Variants in DLGAP2 observed in about 807,000 individuals in gnomAD.
DLGAP2 encodes the protein DLG associated protein 2.
DLGAP2 carries 26 observed loss-of-function variants against 100.3 expected under a neutral mutation model. The ratio of observed to expected loss-of-function variants is 0.26; its 90% CI spans 0.19 to 0.36. The LOEUF (loss-of-function observed/expected upper bound fraction) is 0.36, where lower values mean the gene tolerates loss of function less well. DLGAP2 is among the 10% of genes least tolerant of loss of function. DLGAP2 has a pLI of 1.00. For synonymous variants in DLGAP2, 886 were observed against 630.1 expected (o/e 1.41, Z -6.08); for missense variants, 1,858 against 1,453.2 (o/e 1.28, Z -4.53).
intron 3 of DLGAP2, among the ~76,000 whole-genome samples, chr8:1,417,317 A>G (rs546695161): frequency 6.6e-6 from 1 of 152,264 alleles, no homozygotes; most frequent in East Asian, 1.9e-4. Context: ...CGGGGTGCCC[A>G]GGTTCGACAG....
chr8:1,361,693 C>G (rs1051380386), intron 3 of DLGAP2, among the ~76,000 whole-genome samples: 4 of 152,210 alleles, frequency 2.6e-5, no homozygotes, highest in Admixed American at 2.0e-4. Context: ...ATGTCAAGCA[C>G]CTTCGCGCAA....
chr8:1,497,689 C>A (rs550450205), intron 3 of DLGAP2, among the ~76,000 whole-genome samples: 3 of 152,164 alleles, frequency 2.0e-5, no homozygotes, highest in Non-Finnish European at 4.4e-5. Context: ...CCTGTCCAGG[C>A]GAACAGGGTT....
At chr8:919,605 C>G (rs1408318079) in intron 2 of DLGAP2, among the ~76,000 whole-genome samples, 1 of 152,206 alleles carries the variant, frequency 6.6e-6, no homozygotes, top group East Asian at 1.9e-4. Flanking sequence ...ATAGGAGAGG[C>G]TGCGCCAGTA....
intron 2 of DLGAP2, among the ~76,000 whole-genome samples, chr8:920,852 A>C (rs1301331466): frequency 6.6e-6 from 1 of 152,168 alleles, no homozygotes; most frequent in African/African-American, 2.4e-5. Context: ...TTGCCCGAAA[A>C]ACTCTGTGAG....
intron 3 of DLGAP2, among the ~76,000 whole-genome samples, chr8:1,271,810 T>C (rs528085104): frequency 6.6e-6 from 1 of 152,170 alleles, no homozygotes; most frequent in Non-Finnish European, 1.5e-5. Context: ...TAATTTTTAT[T>C]TATTTATGAA....
At chr8:920,706 GT>G (rs778797063) in intron 2 of DLGAP2, among the ~76,000 whole-genome samples, 3 of 152,174 alleles carry the variant, frequency 2.0e-5, no homozygotes, top group Non-Finnish European at 4.4e-5. Flanking sequence ...AACCATGATC[GT>G]GCTTGGGCAA....
chr8:1,415,156 G>A (rs925098773), intron 3 of DLGAP2, among the ~76,000 whole-genome samples: 1 of 152,186 alleles, frequency 6.6e-6, no homozygotes, highest in African/African-American at 2.4e-5. Flanking sequence ...GTACAAACAG[G>A]CAACTCTATT....
intron 3 of DLGAP2, among the ~76,000 whole-genome samples, chr8:1,432,941 T>C (rs1203888328): frequency 1.3e-5 from 2 of 152,108 alleles, no homozygotes; most frequent in Non-Finnish European, 2.9e-5. Context: ...CGGAGTTGCA[T>C]GGAAGACCCA....
chr8:1,038,240 C>G (rs1334286679), intron 2 of DLGAP2, among the ~76,000 whole-genome samples: 1 of 152,228 alleles, frequency 6.6e-6, no homozygotes, highest in African/African-American at 2.4e-5. Flanking sequence ...CATCTCTCCT[C>G]TGGTTGGAAG....
At chr8:1,288,682 T>C (rs1189780619) in intron 3 of DLGAP2, among the ~76,000 whole-genome samples, 5 of 149,328 alleles carry the variant, frequency 3.3e-5, no homozygotes, top group East Asian at 2.0e-4. Context: ...CGGTTCAGTG[T>C]GTGTGTGTGT....
At chr8:1,616,084 A>C (rs560167993) in intron 6 of DLGAP2, among the ~76,000 whole-genome samples, 95 of 152,358 alleles carry the variant, frequency 6.2e-4, no homozygotes, top group Non-Finnish European at 1.2e-3. Flanking sequence ...TTGAATTTTC[A>C]AGAACAGAAA....
chr8:843,502 C>A (rs375177076), intron 1 of DLGAP2, among the ~76,000 whole-genome samples: 10 of 152,310 alleles, frequency 6.6e-5, no homozygotes, highest in South Asian at 4.1e-4. Context: ...GAGTGGGCAC[C>A]ACGGCCTCTC....
intron 3 of DLGAP2, among the ~76,000 whole-genome samples, chr8:1,475,951 G>T (rs1488070033): frequency 6.6e-6 from 1 of 152,158 alleles, no homozygotes; most frequent in Non-Finnish European, 1.5e-5. Context: ...AAGAAAAATG[G>T]TTTTTGTAGT....
intron 2 of DLGAP2, among the ~76,000 whole-genome samples, chr8:1,175,080 T>G (rs1483340456): frequency 6.6e-6 from 1 of 152,226 alleles, no homozygotes; most frequent in South Asian, 2.1e-4. Context: ...AAAATTATTC[T>G]AGGATTCCCC....
At chr8:907,287 A>G (rs1429235722) in intron 1 of DLGAP2, among the ~76,000 whole-genome samples, 5 of 152,202 alleles carry the variant, frequency 3.3e-5, no homozygotes, top group Admixed American at 6.5e-5. Flanking sequence ...TTTCCCACAG[A>G]CATCTCTTCA....
rs117811408 is a variant in DLGAP2, at chr8:1,095,108, G to A, written c.74-163743G>A. On this transcript the variant is annotated intron_variant, in intron 2 of 14. Transcript: ENST00000637795. ...GAGACAGCCTGGGGCAGCAGCCTGC[G>A]CTGGCATGGACCACCTTCCCAGGGT... 2.3e-4 allele frequency among the ~76,000 whole-genome samples: 32 copies of A among 140,846 alleles called. No homozygotes were observed. In the East Asian group the frequency reaches 2.9e-3, roughly 13 times the overall value. 92.4% of individuals were successfully genotyped at this position (140,846 alleles called of 152,430 possible).
intron 3 of DLGAP2, among the ~76,000 whole-genome samples, chr8:1,266,482 A>T (rs1176029550): frequency 2.1e-4 from 32 of 152,104 alleles, no homozygotes. Flanking sequence ...CCAGCCATAA[A>T]TAACTATTAC....
intron 2 of DLGAP2, among the ~76,000 whole-genome samples, chr8:1,166,683 A>C (rs1472042412): frequency 6.6e-6 from 1 of 152,142 alleles, no homozygotes; most frequent in Non-Finnish European, 1.5e-5. Context: ...TGTCTGATTT[A>C]ATCACCCCAC....
intron 2 of DLGAP2, among the ~76,000 whole-genome samples, chr8:914,650 G>T (rs1447328925): frequency 6.6e-6 from 1 of 152,206 alleles, no homozygotes; most frequent in Non-Finnish European, 1.5e-5. Context: ...GGTTATAGAT[G>T]GTGGCCCTAT....
Sources: allele counts gnomAD v4.1 joint callset (sites outside exome capture counted in the v4.1 genomes callset), GRCh38; gene constraint gnomAD v4.1.1; transcripts MANE v1.5; gene names NCBI Gene and HGNC (gene_info 2026-07-23, HGNC 2026-07-21).